Variants in FOXN3 observed in about 807,000 individuals in gnomAD.
FOXN3 encodes forkhead box N3, also known as forkhead box protein N3.
Under a neutral mutation model 38.4 loss-of-function variants are expected in FOXN3, and 7 were observed. The ratio of observed to expected loss-of-function variants is 0.18; its 90% CI spans 0.10 to 0.34. The LOEUF is 0.34. Among genes scored for constraint, FOXN3 ranks in the 10% least tolerant of loss-of-function variants. The pLI is 1.00. For synonymous variants in FOXN3, 230 were observed against 242.2 expected, an observed-to-expected ratio of 0.95 and a Z score of 0.47; for missense variants, 456 against 613.4, an observed-to-expected ratio of 0.74 and a Z score of 2.71.
At chr14:89,277,487 G>A (rs975047773) in intron 4 of FOXN3, among the ~76,000 whole-genome samples, 2 of 152,164 alleles carry the variant, frequency 1.3e-5, no homozygotes, top group Non-Finnish European at 2.9e-5. Flanking sequence ...CTGATGAAAT[G>A]ACCAATTATG....
intron 4 of FOXN3, among the ~76,000 whole-genome samples, chr14:89,210,539 G>T (rs1036455710): frequency 6.6e-6 from 1 of 152,094 alleles, no homozygotes; most frequent in Admixed American, 6.5e-5. Flanking sequence ...TTAAATAAAA[G>T]CCCTGATTCT....
intron 5 of FOXN3, among the ~76,000 whole-genome samples, chr14:89,168,376 G>A (rs1237315540): frequency 6.6e-6 from 1 of 152,200 alleles, no homozygotes; most frequent in East Asian, 1.9e-4. Flanking sequence ...GCTCACACCT[G>A]TAATCTCAGC....
intron 1 of FOXN3, among the ~76,000 whole-genome samples, chr14:89,618,731 T>C (rs10151900): frequency 5.3e-5 from 8 of 151,514 alleles, no homozygotes; most frequent in African/African-American, 1.9e-4. Flanking sequence ...TGCAATTTTT[T>C]AAAAAAAATT....
intron 1 of FOXN3, among the ~76,000 whole-genome samples, chr14:89,456,604 A>G (rs1313741815): frequency 1.3e-5 from 2 of 152,094 alleles, no homozygotes; most frequent in Non-Finnish European, 2.9e-5. Context: ...AAATACAAAA[A>G]TTAGCCAGAT....
At chr14:89,387,329 C>T (rs1890819514) in intron 2 of FOXN3, among the ~76,000 whole-genome samples, 1 of 152,146 alleles carries the variant, frequency 6.6e-6, no homozygotes, top group Non-Finnish European at 1.5e-5. Context: ...ATAGCACCAA[C>T]ATGAAGGAAA....
intron 2 of FOXN3, among the ~76,000 whole-genome samples, chr14:89,405,829 G>A (rs1387113977): frequency 6.6e-6 from 1 of 152,142 alleles, no homozygotes; most frequent in African/African-American, 2.4e-5. Flanking sequence ...AGCACAGAGA[G>A]ATCATCTACA....
At chr14:89,615,304 T>C (rs548590057) in intron 1 of FOXN3, among the ~76,000 whole-genome samples, 1 of 152,278 alleles carries the variant, frequency 6.6e-6, no homozygotes, top group African/African-American at 2.4e-5. Context: ...AAATTTGGCA[T>C]AGCCATCCAA....
intron 4 of FOXN3, among the ~76,000 whole-genome samples, chr14:89,189,484 G>C (rs574550155): frequency 6.6e-6 from 1 of 152,210 alleles, no homozygotes; most frequent in African/African-American, 2.4e-5. Flanking sequence ...TGTTTCATCA[G>C]TAAGAGGCTG....
At chr14:89,507,466 T>C (rs937327599) in intron 1 of FOXN3, among the ~76,000 whole-genome samples, 2 of 152,234 alleles carry the variant, frequency 1.3e-5, no homozygotes, top group Admixed American at 6.5e-5. Context: ...CACTCCACCA[T>C]TGAGCCAGGG....
chr14:89,379,551 C>G (rs1890580711), intron 2 of FOXN3, among the ~76,000 whole-genome samples: 1 of 152,238 alleles, frequency 6.6e-6, no homozygotes. Context: ...TTAAGAACCA[C>G]TGCTCCAGAG....
At chr14:89,257,081 C>G (rs1163176436) in intron 4 of FOXN3, among the ~76,000 whole-genome samples, 4 of 152,186 alleles carry the variant, frequency 2.6e-5, no homozygotes, top group Admixed American at 2.6e-4. Flanking sequence ...CCTCCTTAAC[C>G]ACCTATCCTG....
chr14:89,165,852 A>C (rs539762829), intron 5 of FOXN3, among the ~76,000 whole-genome samples: 2 of 152,372 alleles, frequency 1.3e-5, no homozygotes, highest in East Asian at 3.8e-4. Flanking sequence ...AGTAAATCTA[A>C]GTATACTTGA....
intron 2 of FOXN3, chr14:89,354,961 C>A (rs144843005): frequency 1.3e-5 from 2 of 151,874 alleles, no homozygotes; most frequent in Non-Finnish European, 2.9e-5. Context: ...GGAAAGTATG[C>A]GTGTGTATTC....
chr14:89,332,285 T>C (rs1332655331), intron 3 of FOXN3, among the ~76,000 whole-genome samples: 1 of 152,194 alleles, frequency 6.6e-6, no homozygotes. Context: ...TATCCAGCTC[T>C]CCAGGGTCAG....
intron 1 of FOXN3, among the ~76,000 whole-genome samples, chr14:89,430,173 T>G (rs894739048): frequency 6.6e-6 from 1 of 152,256 alleles, no homozygotes; most frequent in Admixed American, 6.5e-5. Flanking sequence ...CATATGCACA[T>G]GTTGGATAAA....
At chr14:89,248,741 T>G (rs918764851) in intron 4 of FOXN3, among the ~76,000 whole-genome samples, 21 of 152,366 alleles carry the variant, frequency 1.4e-4, no homozygotes, top group African/African-American at 3.4e-4. Context: ...TGATTTTGAT[T>G]TGAAGTAAAA....
chr14:89,426,215 A>ATTTTTT (rs33964198), intron 1 of FOXN3, among the ~76,000 whole-genome samples: 9 of 77,560 alleles, frequency 1.2e-4, no homozygotes, highest in Non-Finnish European at 1.6e-4. Context: ...AGGAGTACTG[A>ATTTTTT]TTTTTTTTTT....
At chr14:89,429,888 T>C (rs1892120233) in intron 1 of FOXN3, among the ~76,000 whole-genome samples, 1 of 152,236 alleles carries the variant, frequency 6.6e-6, no homozygotes, top group Non-Finnish European at 1.5e-5. Context: ...TCGCTGGCCT[T>C]CCAAAGTGGA....
chr14:89,167,927 C>T (rs780702775), intron 5 of FOXN3, among the ~76,000 whole-genome samples: 2 of 152,308 alleles, frequency 1.3e-5, no homozygotes, highest in African/African-American at 2.4e-5. Flanking sequence ...TGGCTGCTTC[C>T]TGCTTACTGT....
Sources: allele counts gnomAD v4.1 joint callset (sites outside exome capture counted in the v4.1 genomes callset), GRCh38; gene constraint gnomAD v4.1.1; transcripts MANE v1.5; gene names NCBI Gene and HGNC (gene_info 2026-07-23, HGNC 2026-07-21).